Variants in SPHKAP observed in about 807,000 individuals in gnomAD.
The protein encoded by SPHKAP is SPHK1 interactor, AKAP domain containing, also known as A-kinase anchor protein SPHKAP.
In SPHKAP, 67 loss-of-function variants were observed where a neutral mutation model predicts 137.5. That is an observed-to-expected ratio of 0.49 (90% CI 0.40 to 0.60). SPHKAP has a LOEUF of 0.60. Ranked by LOEUF, SPHKAP falls within the 20% of genes least tolerant of loss-of-function variation. The pLI is 0.00. For synonymous variants in SPHKAP, 813 were observed against 785.3 expected, an observed-to-expected ratio of 1.04 and a Z score of -0.59; for missense variants, 2,097 against 2,069.3, an observed-to-expected ratio of 1.01 and a Z score of -0.26.
At position 228,181,574 on chromosome 2, in the gene SPHKAP, C is replaced by A; in HGVS notation, c.25G>T (p.Val9Leu). 6.2e-7 allele frequency: 1 copy of A among 1,614,218 alleles called. No homozygotes were observed. The highest frequency in any genetic ancestry group is 8.5e-7 in the Non-Finnish European group (1 of 1,180,036). Residue 9 changes from valine (V) to leucine (L), a missense_variant, in exon 1 of 12, where the codon GTA becomes TTA. By Grantham distance (32) the Val-to-Leu change is conservative. Transcript: ENST00000392056. This position sits in a 1 kb window ranked among gnomAD's most constrained non-coding sequence, Gnocchi z 4.3. MDGNSLLSVPSNLESSRMY... is the reference protein window; with the variant it reads MDGNSLLSLPSNLESSRMY... ...GAAAGAAGCGGGTCTTACCTTGGTA[C>A]CGAGAGCAGGGAGTTGCCATCCATT...
intron 3 of SPHKAP, among the ~76,000 whole-genome samples, chr2:228,058,622 A>G (rs1010942221): frequency 6.6e-6 from 1 of 152,170 alleles, no homozygotes; most frequent in Non-Finnish European, 1.5e-5. Flanking sequence ...GACGTTAACC[A>G]ATGTGCTAAC....
chr2:228,129,467 G>C (rs80329051), intron 2 of SPHKAP, among the ~76,000 whole-genome samples: 1,951 of 152,232 alleles, frequency 0.013, 14 homozygotes, highest in Non-Finnish European at 0.021. Flanking sequence ...AATTCATTAA[G>C]GGTGAGGGTC....
chr2:228,088,865 C>T (rs1697625151), intron 3 of SPHKAP, among the ~76,000 whole-genome samples: 2 of 152,186 alleles, frequency 1.3e-5, no homozygotes, highest in Non-Finnish European at 2.9e-5. Context: ...GCTTCCTGTA[C>T]AGCCTATAGA....
At chr2:228,123,749 T>G (rs1698986250) in intron 2 of SPHKAP, among the ~76,000 whole-genome samples, 1 of 152,170 alleles carries the variant, frequency 6.6e-6, no homozygotes, top group Non-Finnish European at 1.5e-5. Context: ...TAGATCCCAT[T>G]CGTCAATTTT....
intron 3 of SPHKAP, among the ~76,000 whole-genome samples, chr2:228,096,470 A>G (rs1203626961): frequency 1.3e-5 from 2 of 152,088 alleles, no homozygotes; most frequent in South Asian, 2.1e-4. Context: ...GAGCACGCTA[A>G]TATCTCCTGC....
chr2:228,009,331 T>C (rs1694271970), intron 7 of SPHKAP, among the ~76,000 whole-genome samples: 1 of 152,208 alleles, frequency 6.6e-6, no homozygotes, highest in African/African-American at 2.4e-5. Flanking sequence ...TTGATTATCA[T>C]GTGCCTTGAT....
chr2:228,127,345 C>T (rs780706107), intron 2 of SPHKAP, among the ~76,000 whole-genome samples: 1 of 152,098 alleles, frequency 6.6e-6, no homozygotes, highest in Non-Finnish European at 1.5e-5. Context: ...TAAAACCATT[C>T]AATGTTAAAT....
intron 3 of SPHKAP, among the ~76,000 whole-genome samples, chr2:228,069,928 G>C (rs1168721947): frequency 2.6e-5 from 4 of 152,182 alleles, no homozygotes. Context: ...TAAGTTTTGT[G>C]CTGCCCCCAC....
intron 3 of SPHKAP, among the ~76,000 whole-genome samples, chr2:228,068,634 A>G (rs1259318043): frequency 6.6e-6 from 1 of 152,256 alleles, no homozygotes; most frequent in Non-Finnish European, 1.5e-5. Flanking sequence ...AAAATTGGAT[A>G]TCCATATGCA....
In SPHKAP at chr2:228,072,373, G is replaced by A. The variant is rs950858944; in HGVS notation, c.246+36459C>T. Among the ~76,000 whole-genome samples, 8 of 151,510 alleles carry A rather than the reference G, an allele frequency of 5.3e-5. No individual in the cohort carries two copies. In the East Asian group the frequency reaches 9.7e-4, roughly 18 times the overall value. On this transcript the variant is annotated intron_variant, in intron 3 of 11. Coordinates refer to ENST00000392056, the MANE Select transcript of SPHKAP (RefSeq NM_001142644.2). Reference sequence around the variant, plus strand: ...AGCATCATAACTTTTTTTTTAATACGAAAAATTCAAGAAGGTGGGAACCCG... The same window carrying A: ...AGCATCATAACTTTTTTTTTAATACAAAAAATTCAAGAAGGTGGGAACCCG...
Position 228,164,278 on chromosome 2 carries a change from G to T in SPHKAP, c.32+17289C>A, listed in dbSNP as rs191361028. On this transcript the variant is annotated intron_variant, in intron 1 of 11. Transcript: ENST00000392056. ...TGAAGGCTGCACTGTTGGCTTCCCT[G>T]GTCTGGAGACTTTCAGACTTTGACT... Among the ~76,000 whole-genome samples the T allele has an allele frequency of 2.0e-5, 3 of 152,182 alleles. No homozygotes were observed. The East Asian group carries it at 5.8e-4, about 30-fold the overall frequency.
At chr2:228,034,892 G>C (rs1158033659) in intron 3 of SPHKAP, among the ~76,000 whole-genome samples, 2 of 151,770 alleles carry the variant, frequency 1.3e-5, no homozygotes, top group African/African-American at 2.4e-5. Flanking sequence ...AAAATAATGA[G>C]AGCTATCTAT....
chr2:228,007,879 C>A (rs1694203398), intron 7 of SPHKAP, among the ~76,000 whole-genome samples: 1 of 151,930 alleles, frequency 6.6e-6, no homozygotes, highest in African/African-American at 2.4e-5. Context: ...AAAAATGGAC[C>A]CTTTTCTCAC....
intron 3 of SPHKAP, among the ~76,000 whole-genome samples, chr2:228,106,575 T>A (rs1251194509): frequency 1.3e-5 from 2 of 152,220 alleles, no homozygotes; most frequent in African/African-American, 4.8e-5. Context: ...CTTTAAATTA[T>A]ACTTTCATTT....
At chr2:228,079,217 G>T (rs890936641) in intron 3 of SPHKAP, among the ~76,000 whole-genome samples, 10 of 152,190 alleles carry the variant, frequency 6.6e-5, no homozygotes, top group Admixed American at 5.9e-4. Context: ...CGCATATGCA[G>T]TTCATGATAG....
chr2:228,171,566 G>C (rs1274233469), intron 1 of SPHKAP, among the ~76,000 whole-genome samples: 1 of 152,154 alleles, frequency 6.6e-6, no homozygotes, highest in Non-Finnish European at 1.5e-5. Flanking sequence ...TTAAATAAGA[G>C]AAGGACTGAT....
intron 3 of SPHKAP, among the ~76,000 whole-genome samples, chr2:228,040,294 G>T (rs1485547754): frequency 1.3e-5 from 2 of 152,092 alleles, no homozygotes; most frequent in Non-Finnish European, 2.9e-5. Flanking sequence ...AGCGTCTAAA[G>T]AAAACATTGC....
chr2:228,165,333 A>G (rs1199991723), intron 1 of SPHKAP, among the ~76,000 whole-genome samples: 2 of 152,132 alleles, frequency 1.3e-5, no homozygotes, highest in African/African-American at 4.8e-5. Context: ...TGTCTTTTAG[A>G]CTTTGAATAA....
intron 5 of SPHKAP, 82 bp downstream of exon 5, chr2:228,025,312 G>A (rs1694992881): frequency 2.2e-6 from 3 of 1,367,170 alleles, no homozygotes; most frequent in Non-Finnish European, 2.0e-6. Flanking sequence ...CTTATGTGTA[G>A]CATCTGTTTG....
Sources: gnomAD v4.1 joint callset for allele counts (sites outside exome capture counted in the v4.1 genomes callset) on GRCh38, gnomAD v4.1.1 for gene constraint, Gnocchi (gnomAD v3.1) non-coding constraint, MANE v1.5 for transcripts, NCBI Gene and HGNC (gene_info 2026-07-23, HGNC 2026-07-21) for gene names.